TRAK1: variants seen among roughly 807,000 people sequenced by gnomAD.
TRAK1 encodes trafficking kinesin-binding protein 1.
A neutral mutation model predicts 92.1 loss-of-function variants in TRAK1; 33 were observed. That is an observed-to-expected ratio of 0.36 (90% CI 0.27 to 0.48). The LOEUF is 0.48. TRAK1 is among the 20% of genes least tolerant of loss of function. The pLI is 0.99. For missense variants in TRAK1, 1,123 were observed against 1,257.9 expected (o/e 0.89, Z 1.62); for synonymous variants, 521 against 517.3 (o/e 1.01, Z -0.10).
chr3:42,031,838 A>G (rs74424291), intron 1 of TRAK1, among the ~76,000 whole-genome samples: 2,438 of 152,246 alleles, frequency 0.016, 22 homozygotes, highest in Non-Finnish European at 0.025. Flanking sequence ...CAGAGTAAAG[A>G]TCAGAATTTC....
Position 42,092,636 on chromosome 3 carries a change from G to A in TRAK1, c.91+1076G>A, listed in dbSNP as rs193197171. Among the ~76,000 whole-genome samples the A allele has an allele frequency of 3.4e-3, 517 of 151,582 alleles. 1 individual carries two copies. Among genetic ancestry groups the A allele is most frequent in the Non-Finnish European group, 4.7e-3 (318 of 67,970 alleles). On this transcript the variant is annotated intron_variant, in intron 1 of 15. Coordinates refer to ENST00000327628, the MANE Select transcript of TRAK1 (RefSeq NM_001042646.3). ...TAACAGGAGTAGCCCTGCCTGGGAG[G>A]ACTCTTCATCAAAGGGCCATGGCTT...
chr3:42,123,417 T>G lies in TRAK1; in HGVS notation c.92-2003T>G, dbSNP rs571487408. On this transcript the variant is annotated intron_variant, in intron 1 of 15. Transcript: ENST00000327628. ...GTTCCTGCTTTGGTTCTGCAGTGAATCCCTGGCCCTGGCCCTGCAGTGAAT... is the reference window on the plus strand; with the variant it reads ...GTTCCTGCTTTGGTTCTGCAGTGAAGCCCTGGCCCTGGCCCTGCAGTGAAT... 8.9e-4 allele frequency among the ~76,000 whole-genome samples: 135 copies of G among 151,616 alleles called. 1 individual carries two copies. Among genetic ancestry groups the G allele is most frequent in the Middle Eastern group, 3.4e-3 (1 of 294 alleles).
intron 14 of TRAK1, chr3:42,210,556 G>T: frequency 1.8e-6 from 2 of 1,111,974 alleles, no homozygotes; most frequent in Non-Finnish European, 2.2e-6. Context: ...GGGAAATTGA[G>T]TGCTGGGTCA....
At chr3:42,137,091 A>ATT (rs35624733) in intron 2 of TRAK1, among the ~76,000 whole-genome samples, 1 of 151,576 alleles carries the variant, frequency 6.6e-6, no homozygotes, top group African/African-American at 2.4e-5. Context: ...TTTTTTCTAG[A>ATT]TTTTTTTTTT....
chr3:42,200,279 T>C (rs1707342486), intron 11 of TRAK1, among the ~76,000 whole-genome samples: 1 of 152,246 alleles, frequency 6.6e-6, no homozygotes, highest in Admixed American at 6.5e-5. Context: ...AAAGTGGTTC[T>C]GCTCCTAAAA....
At chr3:42,133,823 C>G (rs2149181663) in intron 2 of TRAK1, among the ~76,000 whole-genome samples, 1 of 152,224 alleles carries the variant, frequency 6.6e-6, no homozygotes, top group African/African-American at 2.4e-5. Flanking sequence ...AAATATATTA[C>G]AATTGTTTTA....
chr3:42,067,828 A>G (rs958667308), intron 1 of TRAK1, among the ~76,000 whole-genome samples: 15 of 151,964 alleles, frequency 9.9e-5, no homozygotes, highest in Non-Finnish European at 2.9e-5. Flanking sequence ...TTTTTTGGCA[A>G]TCACCTTTTT....
intron 3 of TRAK1, among the ~76,000 whole-genome samples, chr3:42,177,384 G>T (rs1703361391): frequency 6.6e-6 from 1 of 152,202 alleles, no homozygotes; most frequent in African/African-American, 2.4e-5. Flanking sequence ...GTAGTTTTCT[G>T]AATTTCTCGG....
intron 13 of TRAK1, among the ~76,000 whole-genome samples, chr3:42,204,393 A>AT (rs1708081343): frequency 1.3e-5 from 2 of 152,156 alleles, no homozygotes; most frequent in Non-Finnish European, 2.9e-5. Flanking sequence ...TATTTTTGTG[A>AT]TTAGTTAATA....
At chr3:42,201,802 G>A (rs555989037) in intron 12 of TRAK1, among the ~76,000 whole-genome samples, 1 of 151,580 alleles carries the variant, frequency 6.6e-6, no homozygotes, top group South Asian at 2.1e-4. Flanking sequence ...CCAGGACTGG[G>A]CTTTCCTCAG....
chr3:42,027,961 T>C (rs115012942), intron 1 of TRAK1, among the ~76,000 whole-genome samples: 4,639 of 152,312 alleles, frequency 0.03, 82 homozygotes, highest in Middle Eastern at 0.044. Flanking sequence ...GCCATTCTTG[T>C]GCCTTAGCCT....
At chr3:42,031,099 G>A (rs1300655800) in intron 1 of TRAK1, among the ~76,000 whole-genome samples, 2 of 148,458 alleles carry the variant, frequency 1.3e-5, no homozygotes, top group Non-Finnish European at 3.0e-5. Flanking sequence ...GCAGTGGCGT[G>A]GTCTCGGCTC....
chr3:42,155,461 G>T (rs1343104074), intron 2 of TRAK1, among the ~76,000 whole-genome samples: 2 of 152,208 alleles, frequency 1.3e-5, no homozygotes, highest in Non-Finnish European at 2.9e-5. Context: ...TATTTTGTTT[G>T]TAGGGGTGGG....
At chr3:42,038,373 G>A (rs1283300166) in intron 1 of TRAK1, among the ~76,000 whole-genome samples, 1 of 152,202 alleles carries the variant, frequency 6.6e-6, no homozygotes, top group Non-Finnish European at 1.5e-5. Flanking sequence ...TGTCCAGGTT[G>A]GAGTGCAGTG....
rs367567674 is a variant in TRAK1 at position 42,043,627 on chromosome 3, G to A, written c.-519+29510G>A. ...TTCTCCATGGAGCTGGGGGGGGGGC[G>A]GGGGGAGTAAAGGGGATCCTGGTTT... On this transcript the variant is annotated intron_variant, in intron 1 of 16. Transcript: ENST00000487159. Among the ~76,000 whole-genome samples, 231 of 150,934 alleles carry A rather than the reference G, an allele frequency of 1.5e-3. 1 individual carries two copies. The highest frequency in any genetic ancestry group is 2.5e-3 in the Non-Finnish European group (170 of 67,638).
chr3:42,201,500 C>G (rs1707557863), intron 12 of TRAK1, among the ~76,000 whole-genome samples: 1 of 151,790 alleles, frequency 6.6e-6, no homozygotes, highest in African/African-American at 2.4e-5. Context: ...CAAATCTGTT[C>G]TGCTTACCCA....
chr3:42,118,277 A>G (rs1232134416), intron 1 of TRAK1, among the ~76,000 whole-genome samples: 4 of 151,404 alleles, frequency 2.6e-5, no homozygotes, highest in Non-Finnish European at 4.4e-5. Context: ...TTTTTAGTAG[A>G]AACGGAGTTT....
chr3:42,065,112 C>G (rs148415849), intron 1 of TRAK1, among the ~76,000 whole-genome samples: 2 of 152,040 alleles, frequency 1.3e-5, no homozygotes, highest in Admixed American at 6.5e-5. Context: ...ATTAGCTGGG[C>G]ATGGATGCAC....
intron 2 of TRAK1, among the ~76,000 whole-genome samples, chr3:42,175,856 A>G (rs989970662): frequency 6.6e-6 from 1 of 152,178 alleles, no homozygotes; most frequent in Non-Finnish European, 1.5e-5. Context: ...CTTAGTTACA[A>G]AACATTACTA....
Sources: gnomAD v4.1 joint callset for allele counts (sites outside exome capture counted in the v4.1 genomes callset) on GRCh38, gnomAD v4.1.1 for gene constraint, MANE v1.5 for transcripts, NCBI Gene and HGNC (gene_info 2026-07-23, HGNC 2026-07-21) for gene names.